Variants in GRIP1 observed in about 807,000 individuals in gnomAD.
The protein encoded by GRIP1 is glutamate receptor-interacting protein 1.
GRIP1 carries 45 observed loss-of-function variants against 129.9 expected under a neutral mutation model. The ratio of observed to expected loss-of-function variants is 0.35; its 90% CI spans 0.27 to 0.44. GRIP1 has a LOEUF of 0.44. Among genes scored for constraint, GRIP1 ranks in the 20% least tolerant of loss-of-function variants. The pLI is 1.00. For missense variants in GRIP1, 1,196 were observed against 1,396.8 expected (o/e 0.86, Z 2.29); for synonymous variants, 530 against 520.8 (o/e 1.02, Z -0.24).
At chr12:66,546,721 C>T (rs2061958397) in intron 2 of GRIP1, among the ~76,000 whole-genome samples, 8 of 152,102 alleles carry the variant, frequency 5.3e-5, no homozygotes, top group Admixed American at 5.2e-4. Context: ...ACCAGAGTTT[C>T]ACACCTTGTA....
rs368154982 is a variant in GRIP1 at position 66,985,437 on chromosome 12, T to A, written c.58+83613A>T. 3.3e-5 allele frequency among the ~76,000 whole-genome samples: 5 copies of A among 152,272 alleles called. No individual in the cohort carries two copies. In the East Asian group the frequency reaches 9.7e-4, roughly 29 times the overall value. On this transcript the variant is annotated intron_variant, in intron 1 of 1. Coordinates refer to the GRIP1 transcript ENST00000643019. ...TAAATTAAATAAGTGATATCAGCAATGTCCTACTATAATTAAACACCTCAG... is the reference window on the plus strand; with the variant it reads ...TAAATTAAATAAGTGATATCAGCAAAGTCCTACTATAATTAAACACCTCAG...
chr12:66,470,412 C>A (rs1441906952), intron 7 of GRIP1, among the ~76,000 whole-genome samples: 1 of 147,542 alleles, frequency 6.8e-6, no homozygotes, highest in Non-Finnish European at 1.5e-5. Context: ...AATGCCCCAC[C>A]TCTTCCTGTC....
At chr12:66,800,692 C>CA in intron 1 of GRIP1, among the ~76,000 whole-genome samples, 1 of 152,098 alleles carries the variant, frequency 6.6e-6, no homozygotes, top group Admixed American at 6.5e-5. Flanking sequence ...TAGCGAAAAA[C>CA]AAAAACACCA....
intron 2 of GRIP1, among the ~76,000 whole-genome samples, chr12:66,548,420 T>G (rs2062015023): frequency 6.6e-6 from 1 of 152,216 alleles, no homozygotes; most frequent in Non-Finnish European, 1.5e-5. Context: ...CTGCTTATGT[T>G]CACATCCCAA....
At chr12:66,877,111 A>C (rs998359644) in intron 1 of GRIP1, among the ~76,000 whole-genome samples, 3 of 152,040 alleles carry the variant, frequency 2.0e-5, no homozygotes, top group African/African-American at 7.2e-5. Flanking sequence ...AAATCATAGC[A>C]TTGATATAAG....
chr12:66,530,779 A>G (rs1012928160), intron 4 of GRIP1, among the ~76,000 whole-genome samples: 1 of 152,088 alleles, frequency 6.6e-6, no homozygotes, highest in Non-Finnish European at 1.5e-5. Context: ...ATCATTATGC[A>G]CAGAGAAATG....
rs1020961671 is a variant in GRIP1 at position 67,026,195 on chromosome 12, C to A, written c.58+42855G>T. Among the ~76,000 whole-genome samples the A allele has an allele frequency of 7.9e-5, 12 of 152,246 alleles. No homozygotes were observed. The South Asian group carries it at 1.0e-3, about 13-fold the overall frequency. The stretch of plus-strand genomic sequence containing the variant: ...ACTATGCTCTTTGTTTAAAAAAAAG[C>A]ATTTTTCAAAAAGTTCTTATTTTAA... On this transcript the variant is annotated intron_variant, in intron 1 of 1. Coordinates refer to the GRIP1 transcript ENST00000643019.
At position 66,409,832 on chromosome 12, in the gene GRIP1, T is replaced by A. The variant is rs369642111; in HGVS notation, c.1839-3404A>T. ...ATCATAAATTCAGAATCCTATCAGA[T>A]AAATTCAACAAAGAGATTAAAATAA... is the stretch of plus-strand genomic sequence containing the variant. On this transcript the variant is annotated intron_variant, in intron 15 of 24. Coordinates refer to ENST00000359742, the MANE Select transcript of GRIP1 (RefSeq NM_001366722.1). Among the ~76,000 whole-genome samples, 18 of 152,312 alleles carry A rather than the reference T, an allele frequency of 1.2e-4. No homozygotes were observed. In the East Asian group the frequency reaches 2.1e-3, roughly 18 times the overall value.
chr12:66,858,947 G>A (rs2040053334), intron 1 of GRIP1, among the ~76,000 whole-genome samples: 2 of 151,998 alleles, frequency 1.3e-5, no homozygotes, highest in East Asian at 3.9e-4. Flanking sequence ...TTCCGTTAAA[G>A]AATGAGATAA....
chr12:66,439,686 T>C (rs1246311907), intron 13 of GRIP1, among the ~76,000 whole-genome samples: 1 of 152,168 alleles, frequency 6.6e-6, no homozygotes, highest in Non-Finnish European at 1.5e-5. Flanking sequence ...ACACACCACG[T>C]TTAGAAAGTG....
intron 1 of GRIP1, among the ~76,000 whole-genome samples, chr12:66,672,860 G>A (rs558221074): frequency 6.6e-5 from 10 of 152,224 alleles, no homozygotes; most frequent in East Asian, 1.9e-4. Context: ...GTTTTCACAA[G>A]TAATTTTTAA....
At chr12:66,795,500 C>T (rs1255067144) in intron 1 of GRIP1, among the ~76,000 whole-genome samples, 3 of 152,138 alleles carry the variant, frequency 2.0e-5, no homozygotes, top group African/African-American at 7.2e-5. Flanking sequence ...TAGACTCAAT[C>T]GTGAAAAGCA....
intron 1 of GRIP1, among the ~76,000 whole-genome samples, chr12:66,665,632 A>C (rs1660554432): frequency 6.6e-6 from 1 of 152,190 alleles, no homozygotes; most frequent in Admixed American, 6.5e-5. Flanking sequence ...AGTGGTGCAT[A>C]GTATGCCAAT....
At chr12:66,383,299 A>AAATAAC (rs1555175080) in intron 19 of GRIP1, among the ~76,000 whole-genome samples, 2 of 141,316 alleles carry the variant, frequency 1.4e-5, no homozygotes, top group African/African-American at 5.3e-5. Context: ...TCTGTCTCAA[A>AAATAAC]AACAACAACA....
At chr12:66,592,346 CCTAAATGTGAGCAACAA>C (rs1333299765) in intron 2 of GRIP1, among the ~76,000 whole-genome samples, 1 of 152,146 alleles carries the variant, frequency 6.6e-6, no homozygotes, top group Admixed American at 6.5e-5. Context: ...CTTCCAAATA[CCTAAATGTGAGCAACAA>C]CAAAGACTGA....
intron 14 of GRIP1, among the ~76,000 whole-genome samples, chr12:66,431,425 C>A (rs58287013): frequency 6.6e-6 from 1 of 151,982 alleles, no homozygotes; most frequent in Non-Finnish European, 1.5e-5. Context: ...ATTGCAGTAC[C>A]GTTCTTTTTA....
At chr12:66,511,975 T>C (rs1185306412) in intron 7 of GRIP1, among the ~76,000 whole-genome samples, 1 of 152,106 alleles carries the variant, frequency 6.6e-6, no homozygotes, top group South Asian at 2.1e-4. Flanking sequence ...TTTTCTCCCA[T>C]GCTGTTCTCA....
chr12:66,406,494 A>G, intron 15 of GRIP1, 66 bp from the exon 16 acceptor site: 1 of 1,424,306 alleles, frequency 7.0e-7, no homozygotes, highest in South Asian at 1.1e-5. Context: ...TTAAAGAGGC[A>G]TTAAGCATAA....
chr12:66,576,281 A>G (rs2063136170), intron 2 of GRIP1, among the ~76,000 whole-genome samples: 1 of 152,256 alleles, frequency 6.6e-6, no homozygotes, highest in African/African-American at 2.4e-5. Context: ...CTGAGTGAAA[A>G]TGATACCCAA....
Sources: allele counts gnomAD v4.1 joint callset (sites outside exome capture counted in the v4.1 genomes callset), GRCh38; gene constraint gnomAD v4.1.1; transcripts MANE v1.5; gene names NCBI Gene and HGNC (gene_info 2026-07-23, HGNC 2026-07-21).